The following WDPCP variants were observed in gnomAD, a reference collection of about 807,000 sequenced individuals.
WDPCP encodes WD repeat containing planar cell polarity effector.
In WDPCP, 71 loss-of-function variants were observed where a neutral mutation model predicts 93.1. That is an observed-to-expected ratio of 0.76 (90% CI 0.63 to 0.93). The LOEUF (loss-of-function observed/expected upper bound fraction) is 0.93, where lower values mean the gene tolerates loss of function less well. WDPCP is among the 40% of genes least tolerant of loss of function. WDPCP has a pLI of 0.00. For missense variants in WDPCP, 844 were observed against 887.4 expected (o/e 0.95, Z 0.62); for synonymous variants, 315 against 315.0 (o/e 1.00, Z 0.00).
At chr2:63,666,348 T>C (rs766806013) in intron 2 of WDPCP, among the ~76,000 whole-genome samples, 7 of 152,194 alleles carry the variant, frequency 4.6e-5, no homozygotes, top group Non-Finnish European at 1.0e-4. Flanking sequence ...GAAGGCTGAT[T>C]TCACTGCCTG....
chr2:63,493,079 C>T, intron 1 of WDPCP, 139 bp from the exon 2 acceptor site: 1 of 702,430 alleles, frequency 1.4e-6, no homozygotes, highest in African/African-American at 1.8e-5. Flanking sequence ...TAAACATACT[C>T]TAGTGTATCC....
chr2:63,652,328 T>G (rs1710118734), intron 2 of WDPCP, among the ~76,000 whole-genome samples: 1 of 152,246 alleles, frequency 6.6e-6, no homozygotes, highest in Admixed American at 6.5e-5. Flanking sequence ...GTCACAACAC[T>G]TATGCAATTC....
chr2:63,710,038 T>G (rs1436831939), intron 2 of WDPCP, among the ~76,000 whole-genome samples: 1 of 152,202 alleles, frequency 6.6e-6, no homozygotes, highest in Non-Finnish European at 1.5e-5. Context: ...AAGCTTGAGT[T>G]TCACAATAGG....
chr2:63,717,199 G>T, intron 2 of WDPCP: 1 of 477,728 alleles, frequency 2.1e-6, no homozygotes, highest in South Asian at 1.7e-5. Flanking sequence ...TGTCCAGCAT[G>T]CCAGTGCTTC....
At chr2:63,491,418 G>T (rs1375854755) in intron 2 of WDPCP, among the ~76,000 whole-genome samples, 1 of 152,124 alleles carries the variant, frequency 6.6e-6, no homozygotes, top group Non-Finnish European at 1.5e-5. Context: ...GATCAGCCAA[G>T]GACTGGGGTA....
chr2:63,656,929 G>A (rs1425923131), intron 2 of WDPCP, among the ~76,000 whole-genome samples: 1 of 152,144 alleles, frequency 6.6e-6, no homozygotes, highest in Non-Finnish European at 1.5e-5. Flanking sequence ...TGAACAAAGT[G>A]GGGGAAATAA....
chr2:63,394,359 G>A (rs1693536218), intron 10 of WDPCP, among the ~76,000 whole-genome samples: 1 of 138,088 alleles, frequency 7.2e-6, no homozygotes, highest in Non-Finnish European at 1.6e-5. Flanking sequence ...CAGTCAGAAT[G>A]GCTATTATTA....
chr2:63,617,317 T>C (rs1217174457), intron 3 of WDPCP, among the ~76,000 whole-genome samples: 3 of 152,238 alleles, frequency 2.0e-5, no homozygotes, highest in Non-Finnish European at 4.4e-5. Context: ...ATGATTACAT[T>C]GTACTTTCAA....
intron 13 of WDPCP, among the ~76,000 whole-genome samples, chr2:63,289,501 T>G (rs374938131): frequency 6.6e-6 from 1 of 152,078 alleles, no homozygotes; most frequent in African/African-American, 2.4e-5. Flanking sequence ...CATAGATATT[T>G]GGATGTAATT....
chr2:63,691,097 T>C lies in WDPCP; in HGVS notation n.309-40259A>G, dbSNP rs137958648. On this transcript the variant is annotated intron_variant and non_coding_transcript_variant, in intron 2 of 4. Transcript: ENST00000467687. ...AACAATAACATCAATGATAGCATTT[T>C]TGCTCTCAACTAAATCTCACGTGGG... Among the ~76,000 whole-genome samples the C allele has an allele frequency of 7.4e-3, 1,120 of 152,358 alleles. 5 individuals are homozygous for C. The highest frequency in any genetic ancestry group is 0.011 in the Non-Finnish European group (773 of 68,020).
intron 2 of WDPCP, among the ~76,000 whole-genome samples, chr2:63,712,989 G>C (rs980301764): frequency 2.0e-5 from 3 of 152,170 alleles, no homozygotes; most frequent in African/African-American, 7.2e-5. Flanking sequence ...GGGCTAGCCA[G>C]GGTTCTCTAA....
At chr2:63,650,233 A>T (rs1710094011) in intron 3 of WDPCP, among the ~76,000 whole-genome samples, 1 of 152,162 alleles carries the variant, frequency 6.6e-6, no homozygotes, top group South Asian at 2.1e-4. Context: ...ACTTATTAAA[A>T]CACAGATTGC....
At chr2:63,503,985 C>T (rs920562083) in intron 1 of WDPCP, among the ~76,000 whole-genome samples, 14 of 151,546 alleles carry the variant, frequency 9.2e-5, no homozygotes, top group African/African-American at 3.1e-4. Flanking sequence ...CGCAGCTATA[C>T]CACCTCTACC....
At chr2:63,326,154 C>T (rs1177731560) in intron 12 of WDPCP, among the ~76,000 whole-genome samples, 3 of 152,204 alleles carry the variant, frequency 2.0e-5, no homozygotes, top group Non-Finnish European at 4.4e-5. Context: ...ACTTAGATAA[C>T]AGGCGCTACT....
intron 15 of WDPCP, among the ~76,000 whole-genome samples, 158 bp from the exon 16 acceptor site, chr2:63,153,732 A>G (rs987450589): frequency 6.6e-6 from 1 of 152,038 alleles, no homozygotes; most frequent in African/African-American, 2.4e-5. Context: ...ACAATATAGT[A>G]ATCATTTAAA....
intron 1 of WDPCP, among the ~76,000 whole-genome samples, chr2:63,568,822 T>C (rs1232111927): frequency 6.6e-6 from 1 of 152,248 alleles, no homozygotes; most frequent in Non-Finnish European, 1.5e-5. Flanking sequence ...AATGCTTGCT[T>C]GGACCAGTAT....
chr2:63,243,403 T>C (rs2104656775), intron 14 of WDPCP, among the ~76,000 whole-genome samples: 1 of 152,276 alleles, frequency 6.6e-6, no homozygotes, highest in South Asian at 2.1e-4. Context: ...TTATTTAATT[T>C]TCTCACAGAT....
chr2:63,397,452 G>T (rs1437592724), intron 10 of WDPCP, among the ~76,000 whole-genome samples: 1 of 152,178 alleles, frequency 6.6e-6, no homozygotes, highest in South Asian at 2.1e-4. Flanking sequence ...ATATGTGGAT[G>T]TGGAGTCAGG....
chr2:63,235,721 C>T (rs1679329575), intron 14 of WDPCP, among the ~76,000 whole-genome samples: 1 of 151,944 alleles, frequency 6.6e-6, no homozygotes, highest in Non-Finnish European at 1.5e-5. Flanking sequence ...TGTGATTCAC[C>T]ACATAAACAG....
Sources: gnomAD v4.1 joint callset for allele counts (sites outside exome capture counted in the v4.1 genomes callset) on GRCh38, gnomAD v4.1.1 for gene constraint, MANE v1.5 for transcripts, NCBI Gene and HGNC (gene_info 2026-07-23, HGNC 2026-07-21) for gene names.